Variants in ZFPM1 observed in about 807,000 individuals in gnomAD.
ZFPM1 encodes the protein zinc finger protein ZFPM1.
Under a neutral mutation model 46.3 loss-of-function variants are expected in ZFPM1, and 28 were observed. The ratio of observed to expected loss-of-function variants is 0.60; its 90% CI spans 0.45 to 0.83. ZFPM1 has a LOEUF of 0.83. Among genes scored for constraint, ZFPM1 ranks in the 40% least tolerant of loss-of-function variants. ZFPM1 has a pLI of 0.00. For synonymous variants in ZFPM1, 957 were observed against 675.9 expected (o/e 1.42, Z -6.45); for missense variants, 1,878 against 1,432.4 (o/e 1.31, Z -5.02).
chr16:88,453,247 C>G (rs1476518120), upstream of ZFPM1: 1 of 146,864 alleles, frequency 6.8e-6, no homozygotes, highest in East Asian at 2.0e-4. Context: ...CGGCGGCCGA[C>G]GACGCTCAGG....
Position 88,467,139 on chromosome 16 carries a change from C to A in ZFPM1, c.40+13461C>A, listed in dbSNP as rs534102445. Among the ~76,000 whole-genome samples, 4 of 152,264 alleles carry A rather than the reference C, an allele frequency of 2.6e-5. No homozygotes were observed. In the East Asian group the frequency reaches 7.7e-4, roughly 29 times the overall value. ...ATGACCTCAGTGATGTCACCTAGGG[C>A]CTCGTCCCATCACACAGCGGCCAGA... On this transcript the variant is annotated intron_variant, in intron 1 of 9. Coordinates refer to ENST00000319555, the MANE Select transcript of ZFPM1 (RefSeq NM_153813.3).
intron 6 of ZFPM1, among the ~76,000 whole-genome samples, chr16:88,531,205 G>A (rs1175855588): frequency 6.6e-6 from 1 of 152,338 alleles, no homozygotes; most frequent in Admixed American, 6.5e-5. Flanking sequence ...TCCCTTCCCT[G>A]TCTTCAGCCA....
At chr16:88,474,086 C>G (rs1245584637) in intron 1 of ZFPM1, among the ~76,000 whole-genome samples, 3 of 152,352 alleles carry the variant, frequency 2.0e-5, no homozygotes, top group Middle Eastern at 3.4e-3. Flanking sequence ...AAGCGCAGGC[C>G]GCACCGATAG....
At chr16:88,519,519 A>G (rs1156826951) in intron 4 of ZFPM1, among the ~76,000 whole-genome samples, 4 of 120,886 alleles carry the variant, frequency 3.3e-5, no homozygotes, top group East Asian at 2.8e-4. Context: ...TAGATAGATG[A>G]ATGGATGAAT....
chr16:88,526,757 C>T (rs7187787), intron 4 of ZFPM1, 57 bp from the exon 5 acceptor site: 1 of 1,520,846 alleles, frequency 6.6e-7, no homozygotes, highest in Non-Finnish European at 8.9e-7. Flanking sequence ...CTCACGGGAA[C>T]CCCCAGGCAG....
In ZFPM1 at chr16:88,526,910, A is replaced by C. The variant is rs779916614; in HGVS notation, c.499A>C (p.Arg167=). The part of the protein sequence containing the change: ...TEAEANTEIH[R]KDDALWCRVT... Reference sequence around the variant, plus strand: ...GGCCGAGGCCAACACAGAGATCCACAGGAAGGGTCAGTATGACGCGGCACC... The same window carrying C: ...GGCCGAGGCCAACACAGAGATCCACCGGAAGGGTCAGTATGACGCGGCACC... Residue 167 remains arginine (R), a synonymous_variant, in exon 5 of 10, where the codon AGG becomes CGG. Transcript: ENST00000319555. The C allele has an allele frequency of 8.3e-6, 13 of 1,572,204 alleles. No homozygotes were observed. The highest frequency in any genetic ancestry group is 1.0e-5 in the Non-Finnish European group (12 of 1,158,630).
At chr16:88,466,904 G>A (rs951652585) in intron 1 of ZFPM1, among the ~76,000 whole-genome samples, 1 of 152,106 alleles carries the variant, frequency 6.6e-6, no homozygotes, top group Non-Finnish European at 1.5e-5. Flanking sequence ...AGGAATTAGG[G>A]CAGAAGTGGG....
At chr16:88,526,024 A>C (rs1301804698) in intron 4 of ZFPM1, among the ~76,000 whole-genome samples, 1 of 151,928 alleles carries the variant, frequency 6.6e-6, no homozygotes. Context: ...GATGGAGAGG[A>C]GGGTACTGCC....
chr16:88,452,604 AC>A (rs1308327655), upstream of ZFPM1, among the ~76,000 whole-genome samples: 5 of 152,116 alleles, frequency 3.3e-5, no homozygotes, highest in African/African-American at 1.2e-4. Context: ...TCCGCTCCAC[AC>A]CCCAAGTCTG....
Position 88,534,077 on chromosome 16 carries a change from G to A in ZFPM1, c.2119G>A (p.Ala707Thr), listed in dbSNP as rs1224325171. The A allele has an allele frequency of 4.9e-6, 6 of 1,234,376 alleles. No individual in the cohort carries two copies. The highest frequency in any genetic ancestry group is 6.2e-6 in the Non-Finnish European group (6 of 965,518). 76.5% of individuals were successfully genotyped at this position (1,234,376 alleles called of 1,614,324 possible). A position where few individuals can be genotyped will look rare whatever the true frequency, so the allele number is the denominator to read the frequency against. ...CACCGTGCACAAGCGGTACTACTGC[G>A]CCTCGCGCCACGACCCGCCGCCGCG... is the stretch of plus-strand genomic sequence containing the variant. ...TYTVHKRYYC[A>T]SRHDPPPRRP... Residue 707 changes from alanine to threonine, a missense_variant, in exon 10 of 10, where the codon GCC becomes ACC. By Grantham distance (58) the Ala-to-Thr change is moderately conservative (BLOSUM62 0). Transcript: ENST00000319555.
Position 88,453,280 on chromosome 16 carries a change from A to C in ZFPM1, c.-359A>C, listed in dbSNP as rs1434032579. 6.9e-6 allele frequency: 1 copy of C among 145,970 alleles called. No homozygotes were observed. Among genetic ancestry groups the C allele is most frequent in the African/African-American group, 2.5e-5 (1 of 40,490 alleles). The allele number at this position is 145,970 out of a possible 1,614,324, so 9.0% of individuals were successfully genotyped here. ...AGGCCCGGCCCCGCCCCGTGCCTCCAGCCCGCCAGGAGCGCCCTCGCAGTG... is the reference window on the plus strand; with the variant it reads ...AGGCCCGGCCCCGCCCCGTGCCTCCCGCCCGCCAGGAGCGCCCTCGCAGTG... On this transcript the variant is annotated 5_prime_UTR_variant, in exon 1 of 10. Coordinates refer to ENST00000319555, the MANE Select transcript of ZFPM1 (RefSeq NM_153813.3).
At chr16:88,461,839 A>G (rs902377351) in intron 1 of ZFPM1, among the ~76,000 whole-genome samples, 1 of 152,194 alleles carries the variant, frequency 6.6e-6, no homozygotes, top group Non-Finnish European at 1.5e-5. Context: ...TGCTAAGATC[A>G]TCGTTGGCAC....
intron 6 of ZFPM1, among the ~76,000 whole-genome samples, chr16:88,531,500 T>C (rs1308333586): frequency 6.6e-6 from 1 of 152,094 alleles, no homozygotes; most frequent in Admixed American, 6.5e-5. Context: ...CATGCCCACA[T>C]CCCTAGAACT....
intron 3 of ZFPM1, among the ~76,000 whole-genome samples, chr16:88,503,466 C>T (rs1041808103): frequency 9.2e-5 from 14 of 151,490 alleles, no homozygotes; most frequent in South Asian, 4.2e-4. Context: ...GGGGGGCCCA[C>T]GGTTCCTGAG....
At chr16:88,494,965 G>A (rs942500539) in intron 3 of ZFPM1, among the ~76,000 whole-genome samples, 1 of 152,226 alleles carries the variant, frequency 6.6e-6, no homozygotes, top group African/African-American at 2.4e-5. Context: ...TTTGCCGGAG[G>A]GGCGGCTGCT....
chr16:88,528,178 C>G lies in ZFPM1; in HGVS notation c.652C>G (p.Leu218Val). ...CACGTGCCCGGCCCCTGCACACGAC[C>G]TCCAGCTCCTGCCCCAGCAGGCCGG... Reference protein sequence around the residue: ...EPTCPAPAHDLQLLPQQAGMA... With the variant: ...EPTCPAPAHDVQLLPQQAGMA... Residue 218 changes from leucine (L) to valine (V), a missense_variant, in exon 6 of 10, where the codon CTC becomes GTC. By Grantham distance (32) the Leu-to-Val change is conservative (BLOSUM62 1). Coordinates refer to ENST00000319555, the MANE Select transcript of ZFPM1 (RefSeq NM_153813.3). The G allele has an allele frequency of 1.9e-6, 3 of 1,610,372 alleles. No homozygotes were observed. The highest frequency in any genetic ancestry group is 2.5e-6 in the Non-Finnish European group (3 of 1,179,416).
chr16:88,508,531 G>A (rs1208212404), intron 3 of ZFPM1, among the ~76,000 whole-genome samples: 1 of 152,198 alleles, frequency 6.6e-6, no homozygotes, highest in African/African-American at 2.4e-5. Flanking sequence ...GTCTCTCCTG[G>A]GCACAGGCCC....
At chr16:88,494,813 G>A (rs1021958323) in intron 3 of ZFPM1, among the ~76,000 whole-genome samples, 1 of 152,142 alleles carries the variant, frequency 6.6e-6, no homozygotes, top group Non-Finnish European at 1.5e-5. Context: ...GATCCCAGAA[G>A]TGGCCACAGA....
At chr16:88,524,556 C>G (rs1057249600) in intron 4 of ZFPM1, among the ~76,000 whole-genome samples, 1 of 152,248 alleles carries the variant, frequency 6.6e-6, no homozygotes, top group Non-Finnish European at 1.5e-5. Flanking sequence ...CCCGGACATG[C>G]CCTGTGGACG....
Sources: gnomAD v4.1 joint callset for allele counts (sites outside exome capture counted in the v4.1 genomes callset) on GRCh38, gnomAD v4.1.1 for gene constraint, MANE v1.5 for transcripts, NCBI Gene and HGNC (gene_info 2026-07-23, HGNC 2026-07-21) for gene names.